Variants in AKAP12 observed in about 807,000 individuals in gnomAD.
AKAP12 encodes the protein A-kinase anchoring protein 12, also known as A-kinase anchor protein 12.
AKAP12 carries 32 observed loss-of-function variants against 79.9 expected under a neutral mutation model. The ratio of observed to expected loss-of-function variants is 0.40; its 90% CI spans 0.30 to 0.54. The LOEUF (loss-of-function observed/expected upper bound fraction) is 0.54. Among genes scored for constraint, AKAP12 ranks in the 20% least tolerant of loss-of-function variants. AKAP12 has a pLI of 0.48. For missense variants in AKAP12, 2,074 were observed against 2,177.0 expected (o/e 0.95, Z 0.94); for synonymous variants, 808 against 857.0 (o/e 0.94, Z 1.00).
At chr6:151,291,501 G>A (rs543620117) in intron 2 of AKAP12, among the ~76,000 whole-genome samples, 13 of 152,240 alleles carry the variant, frequency 8.5e-5, no homozygotes, top group African/African-American at 2.9e-4. Context: ...TGCCCTAGGC[G>A]AAGTCCCTGT....
chr6:151,299,867 C>T (rs780639047), intron 2 of AKAP12, among the ~76,000 whole-genome samples: 5 of 151,996 alleles, frequency 3.3e-5, no homozygotes, highest in African/African-American at 4.8e-5. Flanking sequence ...GGCTTAAAGC[C>T]ATCCTCCTGC....
intron 3 of AKAP12, among the ~76,000 whole-genome samples, chr6:151,306,338 C>G (rs1344449767): frequency 6.6e-6 from 1 of 152,122 alleles, no homozygotes; most frequent in Admixed American, 6.5e-5. Context: ...GCTCTTGAGC[C>G]TAGAGATCTT....
chr6:151,321,703 T>G (rs1389551943), intron 3 of AKAP12, among the ~76,000 whole-genome samples: 2 of 152,116 alleles, frequency 1.3e-5, no homozygotes, highest in Admixed American at 1.3e-4. Context: ...GTTATATGTC[T>G]AGGAGAATTG....
intron 2 of AKAP12, among the ~76,000 whole-genome samples, chr6:151,267,132 T>TAA (rs111825651): frequency 2.0e-5 from 3 of 150,474 alleles, no homozygotes; most frequent in Non-Finnish European, 4.4e-5. Flanking sequence ...TGAGATTTTG[T>TAA]AAAAAAAAAC....
At chr6:151,347,579 C>T (rs951279031) in intron 3 of AKAP12, among the ~76,000 whole-genome samples, 1 of 152,200 alleles carries the variant, frequency 6.6e-6, no homozygotes, top group African/African-American at 2.4e-5. Context: ...TTCCCTTTAA[C>T]AAGCAACAGA....
intron 3 of AKAP12, chr6:151,348,402 G>A (rs979501156): frequency 2.0e-6 from 1 of 509,274 alleles, no homozygotes; most frequent in African/African-American, 1.9e-5. Context: ...GCTTTGAGAA[G>A]CTGAGACAGG....
chr6:151,310,976 G>GT (rs568012161), intron 3 of AKAP12, among the ~76,000 whole-genome samples: 21 of 150,242 alleles, frequency 1.4e-4, no homozygotes, highest in East Asian at 3.9e-4. Flanking sequence ...GCTTTAGAAA[G>GT]TTTTTTTTTT....
At chr6:151,251,768 G>A (rs1018811875) in intron 2 of AKAP12, among the ~76,000 whole-genome samples, 1 of 152,164 alleles carries the variant, frequency 6.6e-6, no homozygotes, top group South Asian at 2.1e-4. Flanking sequence ...AGGCCGAGGC[G>A]GGCAGATCCC....
chr6:151,313,668 A>T (rs765048306), intron 3 of AKAP12, among the ~76,000 whole-genome samples: 8 of 152,126 alleles, frequency 5.3e-5, no homozygotes, highest in Non-Finnish European at 8.8e-5. Context: ...TTTCCTTCTG[A>T]CTTAACAAAA....
chr6:151,322,598 C>G (rs1407120186), intron 3 of AKAP12, among the ~76,000 whole-genome samples: 1 of 151,772 alleles, frequency 6.6e-6, no homozygotes, highest in Admixed American at 6.6e-5. Flanking sequence ...GGACCGCCTT[C>G]CTTTGTGCCC....
chr6:151,341,323 G>C (rs1308641653), intron 3 of AKAP12, among the ~76,000 whole-genome samples: 7 of 152,130 alleles, frequency 4.6e-5, no homozygotes, highest in Admixed American at 4.6e-4. Flanking sequence ...CAAAGTGCTG[G>C]GATTACAGGC....
intron 3 of AKAP12, among the ~76,000 whole-genome samples, chr6:151,309,163 C>A (rs1777037816): frequency 6.6e-6 from 1 of 152,198 alleles, no homozygotes; most frequent in Non-Finnish European, 1.5e-5. Context: ...GCTTGAGTCA[C>A]CGTGCCCGGC....
chr6:151,259,072 T>C (rs973798609), intron 2 of AKAP12, among the ~76,000 whole-genome samples: 15 of 151,024 alleles, frequency 9.9e-5, no homozygotes, highest in African/African-American at 3.6e-4. Flanking sequence ...GGAGACGGAG[T>C]CTTGCTCTGT....
At chr6:151,296,218 A>G (rs959970417) in intron 2 of AKAP12, among the ~76,000 whole-genome samples, 2 of 152,162 alleles carry the variant, frequency 1.3e-5, no homozygotes, top group African/African-American at 4.8e-5. Context: ...TCTTATTTTT[A>G]GAGATCACTA....
chr6:151,292,719 C>G (rs1305163310), intron 2 of AKAP12, among the ~76,000 whole-genome samples: 1 of 152,228 alleles, frequency 6.6e-6, no homozygotes, highest in Non-Finnish European at 1.5e-5. Context: ...CTCCACCTCC[C>G]TGTATTGCAG....
intron 4 of AKAP12, 40 bp downstream of exon 4, chr6:151,353,792 T>C: frequency 1.4e-6 from 2 of 1,383,332 alleles, no homozygotes; most frequent in Non-Finnish European, 9.7e-7. Flanking sequence ...TTCTCTTTTA[T>C]GCCAATAGAT....
At chr6:151,290,563 C>T (rs866006906) in intron 2 of AKAP12, among the ~76,000 whole-genome samples, 4 of 152,088 alleles carry the variant, frequency 2.6e-5, no homozygotes, top group Non-Finnish European at 5.9e-5. Flanking sequence ...AGGCCAGCTT[C>T]CTCTCCCATC....
rs78683251 is a variant in AKAP12 at position 151,267,422 on chromosome 6, G to A, written c.162+26698G>A. ...GTCAGGCATTGCTGCATTAAAGTCA[G>A]ACATGTAGATTTTGGACCTTAAAAG... On this transcript the variant is annotated intron_variant, in intron 2 of 4. Coordinates refer to ENST00000402676, the MANE Select transcript of AKAP12 (RefSeq NM_005100.4). Among the ~76,000 whole-genome samples, 1,094 of 152,286 alleles carry A rather than the reference G, an allele frequency of 7.2e-3. 12 individuals are homozygous for A. The highest frequency in any genetic ancestry group is 0.025 in the African/African-American group (1,041 of 41,564).
intron 2 of AKAP12, among the ~76,000 whole-genome samples, chr6:151,285,331 T>C (rs1776479889): frequency 6.6e-6 from 1 of 152,106 alleles, no homozygotes; most frequent in East Asian, 1.9e-4. Flanking sequence ...CTGAGTTTGC[T>C]ATTGAACTAT....
Sources: allele counts gnomAD v4.1 joint callset (sites outside exome capture counted in the v4.1 genomes callset), GRCh38; gene constraint gnomAD v4.1.1; transcripts MANE v1.5; gene names NCBI Gene and HGNC (gene_info 2026-07-23, HGNC 2026-07-21).